The following DYSF variants were observed in gnomAD, a reference collection of about 807,000 sequenced individuals.
DYSF encodes dysferlin, also known as dystrophy-associated fer-1-like 1.
A neutral mutation model predicts 274.9 loss-of-function variants in DYSF; 212 were observed. The ratio of observed to expected loss-of-function variants is 0.77; its 90% CI spans 0.69 to 0.86. The LOEUF is 0.86. Among genes scored for constraint, DYSF ranks in the 40% least tolerant of loss-of-function variants. The pLI, the probability that DYSF is intolerant of heterozygous loss-of-function variation, is 0.00. For synonymous variants in DYSF, 1,091 were observed against 1,078.7 expected (o/e 1.01, Z -0.22); for missense variants, 2,666 against 2,783.2 (o/e 0.96, Z 0.95).
intron 32 of DYSF, among the ~76,000 whole-genome samples, chr2:71,591,218 A>T (rs989081403): frequency 6.6e-6 from 1 of 152,224 alleles, no homozygotes. Context: ...TCTAACCAGC[A>T]AACTCCTAGT....
rs770262663 is a variant in DYSF at position 71,567,982 on chromosome 2, T to A, written c.2597T>A (p.Met866Lys). 1.2e-6 allele frequency: 2 copies of A among 1,614,140 alleles called. No individual in the cohort carries two copies. Among genetic ancestry groups the A allele is most frequent in the Non-Finnish European group, 1.7e-6 (2 of 1,180,036 alleles). The change falls in exon 25 of 56, where the codon ATG becomes AAG. Residue 866 changes from methionine (M) to lysine (K), a missense_variant. Met to Lys is a moderately conservative substitution (Grantham distance 95). Coordinates refer to ENST00000410020, the MANE Select transcript of DYSF (RefSeq NM_001130987.2). Reference sequence around the variant, plus strand: ...ATGGAGAAGGTGCCTGGCGCCCGGATGCCAGTGCAGATACGGGTCAAGCTG... The same window carrying A: ...ATGGAGAAGGTGCCTGGCGCCCGGAAGCCAGTGCAGATACGGGTCAAGCTG... ...YPMEKVPGAR[M>K]PVQIRVKLWF...
chr2:71,480,288 C>A (rs1053170550), intron 1 of DYSF, among the ~76,000 whole-genome samples: 7 of 152,148 alleles, frequency 4.6e-5, no homozygotes, highest in African/African-American at 1.7e-4. Flanking sequence ...AATCCCAGCA[C>A]TTTGGGAGGC....
At chr2:71,623,444 C>T (rs972245328) in intron 41 of DYSF, among the ~76,000 whole-genome samples, 7 of 150,988 alleles carry the variant, frequency 4.6e-5, no homozygotes, top group African/African-American at 1.2e-4. Context: ...TTTGTTCTTG[C>T]GATAGTTTAC....
At chr2:71,609,460 A>C (rs968825109) in intron 36 of DYSF, among the ~76,000 whole-genome samples, 3 of 149,914 alleles carry the variant, frequency 2.0e-5, no homozygotes, top group African/African-American at 5.1e-5. Context: ...CACCAACACC[A>C]ATGGCAAAAA....
At chr2:71,594,714 G>C (rs2093358860) in intron 32 of DYSF, among the ~76,000 whole-genome samples, 1 of 152,122 alleles carries the variant, frequency 6.6e-6, no homozygotes, top group South Asian at 2.1e-4. Context: ...GTTTACCCTT[G>C]CCATGCTTGC....
At chr2:71,596,669 T>C (rs1319205333) in intron 32 of DYSF, among the ~76,000 whole-genome samples, 1 of 152,078 alleles carries the variant, frequency 6.6e-6, no homozygotes, top group Non-Finnish European at 1.5e-5. Flanking sequence ...CAGGTAGGGG[T>C]GGGCAGTTCT....
chr2:71,520,270 C>T, intron 11 of DYSF, 62 bp downstream of exon 11: 1 of 1,570,312 alleles, frequency 6.4e-7, no homozygotes, highest in Non-Finnish European at 8.8e-7. Context: ...ATTGGGGACA[C>T]TCATTTGGGG....
At chr2:71,538,077 C>T (rs953233731) in intron 16 of DYSF, among the ~76,000 whole-genome samples, 5 of 152,228 alleles carry the variant, frequency 3.3e-5, no homozygotes, top group Non-Finnish European at 2.9e-5. Context: ...GCATATCTGG[C>T]CTCAAATCCC....
chr2:71,612,891 AAC>A, intron 39 of DYSF, 85 bp downstream of exon 39: 1 of 1,478,346 alleles, frequency 6.8e-7, no homozygotes, highest in Non-Finnish European at 9.2e-7. Context: ...TGCATCCTGA[AAC>A]CCTTCTCTTA....
intron 41 of DYSF, among the ~76,000 whole-genome samples, chr2:71,625,178 A>G (rs1421906450): frequency 1.3e-5 from 2 of 152,110 alleles, no homozygotes; most frequent in East Asian, 1.9e-4. Context: ...AGCTCTCTCA[A>G]TCTGAAATTC....
intron 51 of DYSF, among the ~76,000 whole-genome samples, chr2:71,672,062 C>T (rs1417036019): frequency 1.3e-5 from 2 of 151,628 alleles, no homozygotes; most frequent in African/African-American, 4.9e-5. Context: ...TGATGCCAGA[C>T]TCTGGGGAGA....
intron 32 of DYSF, 79 bp downstream of exon 32, chr2:71,590,367 A>T: frequency 6.6e-7 from 1 of 1,519,832 alleles, no homozygotes; most frequent in Admixed American, 1.7e-5. Context: ...TCGGGCAACA[A>T]GGGGTGCTGT....
At chr2:71,595,741 TCC>T (rs2093387805) in intron 32 of DYSF, among the ~76,000 whole-genome samples, 1 of 152,190 alleles carries the variant, frequency 6.6e-6, no homozygotes, top group Non-Finnish European at 1.5e-5. Context: ...GCAGCCGTGG[TCC>T]TCAGAGCTGC....
chr2:71,598,928 A>G (rs1040223313), intron 33 of DYSF, among the ~76,000 whole-genome samples, 183 bp downstream of exon 33: 3 of 152,226 alleles, frequency 2.0e-5, no homozygotes, highest in Admixed American at 6.5e-5. Context: ...CCGTTCCCAC[A>G]GCAGACATTG....
chr2:71,495,701 C>T (rs1236521071), intron 3 of DYSF, among the ~76,000 whole-genome samples: 2 of 152,138 alleles, frequency 1.3e-5, no homozygotes, highest in East Asian at 3.9e-4. Flanking sequence ...GCACCAGGGG[C>T]CGTGGTCCTC....
At chr2:71,483,300 T>A (rs886067596) in intron 3 of DYSF, among the ~76,000 whole-genome samples, 2 of 152,104 alleles carry the variant, frequency 1.3e-5, no homozygotes, top group African/African-American at 4.8e-5. Flanking sequence ...TCAGCTACCT[T>A]CCAACGCAGA....
intron 20 of DYSF, 66 bp from the exon 21 acceptor site, chr2:71,553,741 C>A: frequency 9.5e-7 from 1 of 1,048,304 alleles, no homozygotes; most frequent in Non-Finnish European, 1.4e-6. Flanking sequence ...GGCTGGCACT[C>A]TTAGCACCCC....
chr2:71,566,671 G>A (rs895665092), intron 24 of DYSF, among the ~76,000 whole-genome samples: 2 of 152,162 alleles, frequency 1.3e-5, no homozygotes, highest in Non-Finnish European at 1.5e-5. Context: ...AGGCATTCCT[G>A]CCATCTCCCT....
intron 24 of DYSF, among the ~76,000 whole-genome samples, chr2:71,566,935 G>A (rs1207598507): frequency 1.3e-5 from 2 of 152,164 alleles, no homozygotes; most frequent in African/African-American, 4.8e-5. Context: ...AGGGATCCAG[G>A]CCTCCCTGAC....
Sources: allele counts gnomAD v4.1 joint callset (sites outside exome capture counted in the v4.1 genomes callset), GRCh38; gene constraint gnomAD v4.1.1; transcripts MANE v1.5; gene names NCBI Gene and HGNC (gene_info 2026-07-23, HGNC 2026-07-21).